RALGAPA2: variants seen among roughly 807,000 people sequenced by gnomAD.
RALGAPA2 encodes the protein Ral GTPase activating protein catalytic subunit alpha 2, also known as ral GTPase-activating protein subunit alpha-2.
In RALGAPA2, 139 loss-of-function variants were observed where a neutral mutation model predicts 230.4. The ratio of observed to expected loss-of-function variants is 0.60; its 90% confidence interval spans 0.53 to 0.69. RALGAPA2 has a LOEUF of 0.69. Ranked by LOEUF, RALGAPA2 falls within the 30% of genes least tolerant of loss-of-function variation. RALGAPA2 has a pLI of 0.00. For synonymous variants in RALGAPA2, 847 were observed against 837.8 expected, an observed-to-expected ratio of 1.01 and a Z score of -0.19; for missense variants, 2,163 against 2,276.0, an observed-to-expected ratio of 0.95 and a Z score of 1.01.
chr20:20,701,474 C>T (rs1304000959), intron 1 of RALGAPA2, among the ~76,000 whole-genome samples: 1 of 151,818 alleles, frequency 6.6e-6, no homozygotes, highest in Non-Finnish European at 1.5e-5. Flanking sequence ...CGCGGTGGCT[C>T]ACGCCTGTAA....
chr20:20,607,696 C>T (rs1037886111), intron 14 of RALGAPA2, among the ~76,000 whole-genome samples: 2 of 152,132 alleles, frequency 1.3e-5, no homozygotes, highest in Admixed American at 6.5e-5. Flanking sequence ...ATAGCGCCAG[C>T]TTCATGGATA....
chr20:20,556,375 G>A (rs2064083131), intron 23 of RALGAPA2, among the ~76,000 whole-genome samples: 1 of 152,188 alleles, frequency 6.6e-6, no homozygotes, highest in Non-Finnish European at 1.5e-5. Flanking sequence ...CAGGGAGATG[G>A]CAAACCTATT....
chr20:20,639,352 T>C (rs1292159934), intron 7 of RALGAPA2, among the ~76,000 whole-genome samples: 1 of 152,216 alleles, frequency 6.6e-6, no homozygotes, highest in Non-Finnish European at 1.5e-5. Context: ...GTTACTTCAG[T>C]TCTGTAGGCA....
intron 10 of RALGAPA2, among the ~76,000 whole-genome samples, chr20:20,622,256 A>G (rs961146406): frequency 2.0e-5 from 3 of 152,116 alleles, no homozygotes; most frequent in African/African-American, 7.2e-5. Context: ...GAATGACTGG[A>G]GATGCAGAAA....
chr20:20,632,966 T>TG (rs1365213519), intron 9 of RALGAPA2, among the ~76,000 whole-genome samples: 2 of 152,150 alleles, frequency 1.3e-5, no homozygotes, highest in Non-Finnish European at 2.9e-5. Context: ...TTTTTTTTTT[T>TG]TAAATAAAGT....
chr20:20,664,643 T>C (rs185923417), intron 3 of RALGAPA2, among the ~76,000 whole-genome samples: 1 of 152,294 alleles, frequency 6.6e-6, no homozygotes, highest in Non-Finnish European at 1.5e-5. Context: ...ATTTTTCCGA[T>C]CTCTTCAGTT....
chr20:20,671,539 G>T (rs1195461688), intron 3 of RALGAPA2, among the ~76,000 whole-genome samples: 1 of 152,178 alleles, frequency 6.6e-6, no homozygotes, highest in Non-Finnish European at 1.5e-5. Flanking sequence ...TACCCAGAAT[G>T]AAACATACAA....
chr20:20,528,891 C>T (rs1293170615), intron 27 of RALGAPA2, among the ~76,000 whole-genome samples: 1 of 152,180 alleles, frequency 6.6e-6, no homozygotes, highest in East Asian at 1.9e-4. Context: ...GCCAAGGCCC[C>T]CACTGCCTCC....
chr20:20,531,598 G>T, intron 27 of RALGAPA2, 89 bp downstream of exon 27: 1 of 1,089,724 alleles, frequency 9.2e-7, no homozygotes, highest in Non-Finnish European at 1.4e-6. Context: ...TCATTTGGGG[G>T]ATAAAAAAGA....
At chr20:20,440,637 C>T (rs867307486) in intron 37 of RALGAPA2, among the ~76,000 whole-genome samples, 2 of 152,346 alleles carry the variant, frequency 1.3e-5, no homozygotes, top group Middle Eastern at 6.8e-3. Flanking sequence ...TGGCAGCAGT[C>T]TTGGATTCTC....
rs1420522526 is a variant in RALGAPA2, at chr20:20,524,523, G to C, written c.3783C>G (p.Leu1261=). The part of the protein sequence containing the change: ...TDKKFIVSLL[L]CLLDWCMALP... ...ATGCCATGCACCAGTCCAAGAGGCA[G>C]AGTAGCAAGGACACAATAAACTGGA... The change falls in exon 30 of 40, where the codon CTC becomes CTG. Residue 1261 remains leucine, a synonymous_variant. Coordinates refer to ENST00000202677, the MANE Select transcript of RALGAPA2 (RefSeq NM_020343.4). The C allele has an allele frequency of 3.7e-6, 6 of 1,613,840 alleles. No individual in the cohort carries two copies. In the African/African-American group the frequency reaches 4.0e-5, roughly 11 times the overall value.
chr20:20,521,130 G>T (rs1569460087), intron 30 of RALGAPA2, 30 bp from the exon 31 acceptor site: 7 of 1,549,656 alleles, frequency 4.5e-6, no homozygotes, highest in Non-Finnish European at 6.2e-6. Context: ...GTGCACCACG[G>T]ATGCTACTCA....
chr20:20,605,356 G>A lies in RALGAPA2; in HGVS notation c.1857C>T (p.Leu619=). 6.2e-7 allele frequency: 1 copy of A among 1,613,780 alleles called. No homozygotes were observed. Among genetic ancestry groups the A allele is most frequent in the African/African-American group, 1.3e-5 (1 of 74,982 alleles). The part of the protein sequence containing the change: ...ANLCVYISRE[L]WDDFLGVLSS... Reference sequence around the variant, plus strand: ...ACAGCACACCAAGAAAGTCATCCCAGAGCTCTCGAGAAATGTACACACAGA... The same window carrying A: ...ACAGCACACCAAGAAAGTCATCCCAAAGCTCTCGAGAAATGTACACACAGA... The change falls in exon 15 of 40, where the codon CTC becomes CTT. Residue 619 remains leucine, a synonymous_variant. Transcript: ENST00000202677.
chr20:20,395,833 T>G (rs2059702801), intron 39 of RALGAPA2, among the ~76,000 whole-genome samples: 1 of 152,214 alleles, frequency 6.6e-6, no homozygotes, highest in African/African-American at 2.4e-5. Context: ...ACTTCCATAT[T>G]TACTGAGACA....
intron 23 of RALGAPA2, among the ~76,000 whole-genome samples, chr20:20,559,845 G>A (rs1356226498): frequency 2.6e-5 from 4 of 152,130 alleles, no homozygotes; most frequent in African/African-American, 9.7e-5. Flanking sequence ...GAATGAAAAT[G>A]CATCATGCCC....
intron 28 of RALGAPA2, 70 bp downstream of exon 28, chr20:20,526,182 A>T: frequency 1.8e-6 from 2 of 1,130,518 alleles, no homozygotes; most frequent in Non-Finnish European, 2.5e-6. Context: ...GAATATCTAT[A>T]ATTAATTAAA....
chr20:20,556,418 A>G (rs2064084316), intron 23 of RALGAPA2, among the ~76,000 whole-genome samples: 1 of 152,178 alleles, frequency 6.6e-6, no homozygotes, highest in Admixed American at 6.5e-5. Context: ...ATTCCATAAG[A>G]TGAGGAAAAC....
intron 23 of RALGAPA2, among the ~76,000 whole-genome samples, chr20:20,556,262 G>T (rs568574131): frequency 1.3e-5 from 2 of 152,226 alleles, no homozygotes; most frequent in African/African-American, 4.8e-5. Flanking sequence ...CCTTTTCTCT[G>T]ACCAACACAA....
intron 20 of RALGAPA2, among the ~76,000 whole-genome samples, chr20:20,581,121 G>A (rs1422900614): frequency 6.6e-6 from 1 of 152,086 alleles, no homozygotes. Context: ...AAAGAAGAAC[G>A]GAGTATTTGG....
Sources: gnomAD v4.1 joint callset for allele counts (sites outside exome capture counted in the v4.1 genomes callset) on GRCh38, gnomAD v4.1.1 for gene constraint, MANE v1.5 for transcripts, NCBI Gene and HGNC (gene_info 2026-07-23, HGNC 2026-07-21) for gene names.